Variants in CAMK2B observed in about 807,000 individuals in gnomAD.
CAMK2B encodes calcium/calmodulin dependent protein kinase II beta, also known as calcium/calmodulin-dependent protein kinase type II subunit beta.
CAMK2B carries 27 observed loss-of-function variants against 93.7 expected under a neutral mutation model. The observed-to-expected ratio is 0.29, with a 90% CI of 0.21 to 0.40. The LOEUF (loss-of-function observed/expected upper bound fraction) is 0.40, where lower values mean the gene tolerates loss of function less well. Ranked by LOEUF, CAMK2B falls within the 10% of genes least tolerant of loss-of-function variation. The pLI, the probability that CAMK2B is intolerant of heterozygous loss-of-function variation, is 1.00. For missense variants in CAMK2B, 568 were observed against 895.8 expected, an observed-to-expected ratio of 0.63 and a Z score of 4.67; for synonymous variants, 374 against 358.8, an observed-to-expected ratio of 1.04 and a Z score of -0.48.
chr7:44,292,054 C>G (rs996895095), intron 1 of CAMK2B, among the ~76,000 whole-genome samples: 3 of 152,212 alleles, frequency 2.0e-5, no homozygotes, highest in Admixed American at 2.0e-4. Flanking sequence ...TATTTTCTTA[C>G]AGTTCTGGTG....
In CAMK2B at chr7:44,286,176, G is replaced by T. The variant is rs1785035085; in HGVS notation, c.66-1951C>A. Among the ~76,000 whole-genome samples, 1 of 151,998 alleles carries T rather than the reference G, an allele frequency of 6.6e-6. No homozygotes were observed. The highest frequency in any genetic ancestry group is 1.5e-5 in the Non-Finnish European group (1 of 68,000). The stretch of plus-strand genomic sequence containing the variant: ...AAGAGCCTTCCGGGGCCACTGTGTG[G>T]CTGTTTGCCGGACTTCTTGCTCAGG... On this transcript the variant is annotated intron_variant, in intron 1 of 23. Coordinates refer to ENST00000395749, the MANE Select transcript of CAMK2B (RefSeq NM_001220.5). This position sits in a 1 kb window ranked among gnomAD's most constrained non-coding sequence, Gnocchi z 4.0.
chr7:44,290,460 T>C (rs1351139209), intron 1 of CAMK2B, among the ~76,000 whole-genome samples: 1 of 152,162 alleles, frequency 6.6e-6, no homozygotes, highest in Non-Finnish European at 1.5e-5. Context: ...TAATAAAGGG[T>C]TGTTCTGAAA....
At chr7:44,233,585 A>G (rs1264735758) in intron 15 of CAMK2B, among the ~76,000 whole-genome samples, 2 of 152,138 alleles carry the variant, frequency 1.3e-5, no homozygotes, top group Non-Finnish European at 2.9e-5. Context: ...GCAAGCCCCA[A>G]AGCTCTTAGG....
chr7:44,237,415 C>T (rs1337548486), intron 13 of CAMK2B, among the ~76,000 whole-genome samples: 1 of 152,244 alleles, frequency 6.6e-6, no homozygotes. Context: ...GGACTCAGGC[C>T]GACGCTGCCA....
intron 19 of CAMK2B, among the ~76,000 whole-genome samples, chr7:44,227,863 G>C (rs1440029247): frequency 8.1e-6 from 1 of 124,150 alleles, no homozygotes; most frequent in Admixed American, 8.0e-5. Flanking sequence ...GAGGGAAAGA[G>C]GGGAATTTGG....
intron 1 of CAMK2B, among the ~76,000 whole-genome samples, chr7:44,299,699 C>T (rs1187920744): frequency 2.0e-5 from 3 of 152,052 alleles, no homozygotes; most frequent in Non-Finnish European, 4.4e-5. Context: ...TTTCTGGACT[C>T]TACTATTTAT....
chr7:44,273,190 A>G (rs1044831896), intron 2 of CAMK2B, among the ~76,000 whole-genome samples: 1 of 152,144 alleles, frequency 6.6e-6, no homozygotes, highest in African/African-American at 2.4e-5. Context: ...ACCAGCCGAA[A>G]CTGCCTCTGG....
intron 1 of CAMK2B, among the ~76,000 whole-genome samples, chr7:44,318,414 G>C (rs1795311011): frequency 6.6e-6 from 1 of 152,218 alleles, no homozygotes; most frequent in African/African-American, 2.4e-5. Flanking sequence ...CTGGGAAGCA[G>C]TCCCAGGTGC....
chr7:44,235,035 G>A (rs2096612740), intron 13 of CAMK2B, among the ~76,000 whole-genome samples: 1 of 152,228 alleles, frequency 6.6e-6, no homozygotes, highest in South Asian at 2.1e-4. Flanking sequence ...TGGGAACTCA[G>A]GACTAGCTGT....
At chr7:44,231,720 C>T (rs934590728) in intron 16 of CAMK2B, among the ~76,000 whole-genome samples, 13 of 152,184 alleles carry the variant, frequency 8.5e-5, no homozygotes, top group Admixed American at 6.5e-4. Context: ...TCCAGTCAGG[C>T]CCCGGCCTCA....
chr7:44,275,746 T>A (rs1346602066), intron 2 of CAMK2B, among the ~76,000 whole-genome samples: 1 of 152,158 alleles, frequency 6.6e-6, no homozygotes, highest in South Asian at 2.1e-4. Flanking sequence ...TGCTCCTAGG[T>A]GGCCCTCCCC....
intron 5 of CAMK2B, among the ~76,000 whole-genome samples, chr7:44,250,948 T>C (rs528073314): frequency 6.6e-6 from 1 of 152,376 alleles, no homozygotes; most frequent in East Asian, 1.9e-4. Context: ...AATAAGACCC[T>C]GCTTCCTCCT....
intron 1 of CAMK2B, among the ~76,000 whole-genome samples, chr7:44,319,038 G>C (rs922744088): frequency 1.3e-5 from 2 of 152,122 alleles, no homozygotes; most frequent in Non-Finnish European, 2.9e-5. Context: ...ATACATATCT[G>C]TGTAATATGC....
intron 8 of CAMK2B, 109 bp from the exon 9 acceptor site, chr7:44,242,763 G>A: frequency 2.6e-6 from 2 of 757,568 alleles, no homozygotes; most frequent in Middle Eastern, 2.3e-4. Context: ...GGAGGGCATT[G>A]GGGTCCTCAG....
In CAMK2B at chr7:44,248,655, T is replaced by A. The variant is rs943256039; in HGVS notation, c.342-1463A>T. Among the ~76,000 whole-genome samples, 4 of 152,198 alleles carry A rather than the reference T, an allele frequency of 2.6e-5. No homozygotes were observed. Among genetic ancestry groups the A allele is most frequent in the African/African-American group, 9.7e-5 (4 of 41,434 alleles). Reference sequence around the variant, plus strand: ...CCAGGGTCAGCAAGATGAGTGGGCTTTGTTTTCCTAACAGCAAATTCAGAG... The same window carrying A: ...CCAGGGTCAGCAAGATGAGTGGGCTATGTTTTCCTAACAGCAAATTCAGAG... On this transcript the variant is annotated intron_variant, in intron 5 of 23. Transcript: ENST00000395749. The surrounding 1 kb of genome is among the most constrained non-coding windows in gnomAD (Gnocchi z 4.1).
At chr7:44,247,707 C>T (rs1168009365) in intron 5 of CAMK2B, among the ~76,000 whole-genome samples, 3 of 152,124 alleles carry the variant, frequency 2.0e-5, no homozygotes, top group Non-Finnish European at 4.4e-5. Context: ...ATAATGTGCT[C>T]GGGCACATGT....
chr7:44,243,981 CCT>C (rs2096706911), intron 6 of CAMK2B, among the ~76,000 whole-genome samples: 1 of 152,188 alleles, frequency 6.6e-6, no homozygotes, highest in African/African-American at 2.4e-5. Flanking sequence ...CCCTTCCCTC[CCT>C]GTTTCTCACT....
At chr7:44,291,485 G>A (rs1224229030) in intron 1 of CAMK2B, among the ~76,000 whole-genome samples, 2 of 152,244 alleles carry the variant, frequency 1.3e-5, no homozygotes, top group African/African-American at 4.8e-5. Flanking sequence ...CCCTACTGGA[G>A]ACAAGCAGCT....
chr7:44,314,443 T>C (rs920937309), intron 1 of CAMK2B, among the ~76,000 whole-genome samples: 1 of 152,264 alleles, frequency 6.6e-6, no homozygotes, highest in Non-Finnish European at 1.5e-5. Context: ...TTTCAGCATG[T>C]GTCGGTGCTT....
Sources: allele counts gnomAD v4.1 joint callset (sites outside exome capture counted in the v4.1 genomes callset), GRCh38; gene constraint gnomAD v4.1.1; non-coding constraint Gnocchi (gnomAD v3.1); transcripts MANE v1.5; gene names NCBI Gene and HGNC (gene_info 2026-07-23, HGNC 2026-07-21).